Variants in ADGRL3 observed in about 807,000 individuals in gnomAD.
ADGRL3 encodes the protein adhesion G protein-coupled receptor L3, also known as calcium-independent alpha-latrotoxin receptor 3.
ADGRL3 carries 62 observed loss-of-function variants against 153.5 expected under a neutral mutation model. The observed-to-expected ratio is 0.40, with a 90% CI of 0.33 to 0.50. The LOEUF (loss-of-function observed/expected upper bound fraction) is 0.50. Ranked by LOEUF, ADGRL3 falls within the 20% of genes least tolerant of loss-of-function variation. The pLI, the probability that ADGRL3 is intolerant of heterozygous loss-of-function variation, is 0.47. For synonymous variants in ADGRL3, 710 were observed against 672.5 expected (o/e 1.06, Z -0.86); for missense variants, 1,641 against 1,859.4 (o/e 0.88, Z 2.16).
At chr4:61,370,595 T>C (rs1003035395) in intron 1 of ADGRL3, among the ~76,000 whole-genome samples, 7 of 152,048 alleles carry the variant, frequency 4.6e-5, no homozygotes, top group African/African-American at 7.2e-5. Context: ...GTCTGAGAGA[T>C]AGTTTGTTAT....
intron 5 of ADGRL3, among the ~76,000 whole-genome samples, chr4:61,599,618 C>T (rs942687309): frequency 3.3e-5 from 5 of 152,184 alleles, no homozygotes; most frequent in African/African-American, 1.2e-4. Flanking sequence ...CAGGCATGAG[C>T]CATTGCGCCT....
chr4:61,420,417 T>TTTA (rs2097190312), intron 2 of ADGRL3: 1 of 142,742 alleles, frequency 7.0e-6, no homozygotes, highest in Admixed American at 7.0e-5. Context: ...TTTTTTTTTT[T>TTTA]TTTTTTTGAG....
chr4:61,213,698 A>AT (rs369610757), intron 1 of ADGRL3, among the ~76,000 whole-genome samples: 4 of 152,094 alleles, frequency 2.6e-5, no homozygotes, highest in African/African-American at 9.7e-5. Context: ...CAATGCCATT[A>AT]TTTTTTTGAA....
intron 1 of ADGRL3, among the ~76,000 whole-genome samples, chr4:61,279,259 T>A (rs1408289016): frequency 1.3e-5 from 2 of 152,166 alleles, no homozygotes; most frequent in African/African-American, 2.4e-5. Flanking sequence ...AACTGCTATA[T>A]CAAAATTGGG....
At chr4:61,877,520 C>T (rs889867609) in intron 9 of ADGRL3, among the ~76,000 whole-genome samples, 18 of 152,178 alleles carry the variant, frequency 1.2e-4, no homozygotes, top group African/African-American at 4.3e-4. Flanking sequence ...CAGAGAACTA[C>T]ACACATGCAC....
At chr4:61,358,513 C>T (rs1472293196) in intron 1 of ADGRL3, among the ~76,000 whole-genome samples, 2 of 142,986 alleles carry the variant, frequency 1.4e-5, no homozygotes, top group Admixed American at 7.8e-5. Context: ...AGGAGAATGG[C>T]GTGAACTCGG....
At chr4:61,762,080 T>C (rs943210422) in intron 8 of ADGRL3, among the ~76,000 whole-genome samples, 1 of 152,200 alleles carries the variant, frequency 6.6e-6, no homozygotes, top group Admixed American at 6.5e-5. Context: ...CAGAGAAGAA[T>C]CTGAGTAAAA....
intron 6 of ADGRL3, among the ~76,000 whole-genome samples, chr4:61,701,906 A>G (rs1185439988): frequency 1.3e-5 from 2 of 152,150 alleles, no homozygotes; most frequent in Non-Finnish European, 2.9e-5. Flanking sequence ...GGAATGTTAA[A>G]GAAGGCGGTA....
intron 1 of ADGRL3, among the ~76,000 whole-genome samples, chr4:61,273,187 C>A (rs2093290069): frequency 6.6e-6 from 1 of 152,088 alleles, no homozygotes; most frequent in African/African-American, 2.4e-5. Context: ...TACTCAGGAC[C>A]AGATTTTAGT....
intron 5 of ADGRL3, among the ~76,000 whole-genome samples, chr4:61,642,798 A>C (rs1292968308): frequency 1.3e-5 from 2 of 151,856 alleles, no homozygotes; most frequent in African/African-American, 4.9e-5. Flanking sequence ...TATGAACTTT[A>C]AAGTAGTTTT....
intron 21 of ADGRL3, among the ~76,000 whole-genome samples, chr4:62,007,409 C>CAT (rs2099164324): frequency 1.1e-5 from 1 of 90,860 alleles, no homozygotes; most frequent in Non-Finnish European, 2.2e-5. Context: ...TATATATACA[C>CAT]GTATATATAT....
At chr4:61,655,609 A>C (rs2150471116) in intron 5 of ADGRL3, among the ~76,000 whole-genome samples, 1 of 152,254 alleles carries the variant, frequency 6.6e-6, no homozygotes, top group East Asian at 1.9e-4. Context: ...CTTGTTTAGC[A>C]TTTTGGCTCA....
intron 1 of ADGRL3, among the ~76,000 whole-genome samples, chr4:61,332,288 G>C (rs2095587702): frequency 6.6e-6 from 1 of 152,084 alleles, no homozygotes; most frequent in African/African-American, 2.4e-5. Context: ...ATACTCAGAA[G>C]TATAAGAAAT....
intron 9 of ADGRL3, among the ~76,000 whole-genome samples, chr4:61,843,522 GTGGAT>G (rs2098065882): frequency 6.6e-6 from 1 of 152,102 alleles, no homozygotes. Flanking sequence ...AGGAGCCATT[GTGGAT>G]CACAAAGTAG....
At chr4:61,535,772 G>A (rs1010088441) in intron 4 of ADGRL3, among the ~76,000 whole-genome samples, 1 of 151,668 alleles carries the variant, frequency 6.6e-6, no homozygotes, top group African/African-American at 2.4e-5. Flanking sequence ...TCTTTCTTTG[G>A]CATTGTGCTT....
chr4:61,937,844 T>C (rs1315302910), intron 15 of ADGRL3, among the ~76,000 whole-genome samples: 1 of 152,302 alleles, frequency 6.6e-6, no homozygotes, highest in African/African-American at 2.4e-5. Context: ...TCTGAAGACA[T>C]GTAGAAATAT....
intron 1 of ADGRL3, among the ~76,000 whole-genome samples, chr4:61,207,495 G>A (rs2148792911): frequency 6.6e-6 from 1 of 152,208 alleles, no homozygotes; most frequent in African/African-American, 2.4e-5. Context: ...TGTGAACAGT[G>A]CCACAGTAAA....
intron 21 of ADGRL3, among the ~76,000 whole-genome samples, chr4:62,003,542 A>G (rs1461562606): frequency 6.6e-6 from 1 of 152,142 alleles, no homozygotes; most frequent in East Asian, 1.9e-4. Flanking sequence ...TACCTATTTC[A>G]TAGAGCTTTG....
rs373072697 is a variant in ADGRL3 at position 61,676,968 on chromosome 4, G to A, written c.583+33G>A. On this transcript the variant is annotated intron_variant, in intron 6 of 26. Coordinates refer to ENST00000683033, the MANE Select transcript of ADGRL3 (RefSeq NM_001387552.1). ...TATTCCTATACTTTTCTTGGCAAGA[G>A]AAAAGATACTAAACTGTGTTTTGCA... is the stretch of plus-strand genomic sequence containing the variant. 3.5e-5 allele frequency: 47 copies of A among 1,336,134 alleles called. No individual in the cohort carries two copies. In the African/African-American group the frequency reaches 6.3e-4, roughly 18 times the overall value. 82.8% of individuals were successfully genotyped at this position (1,336,134 alleles called of 1,614,324 possible).
Sources: allele counts gnomAD v4.1 joint callset (sites outside exome capture counted in the v4.1 genomes callset), GRCh38; gene constraint gnomAD v4.1.1; transcripts MANE v1.5; gene names NCBI Gene and HGNC (gene_info 2026-07-23, HGNC 2026-07-21).